Variants in ADAM23 observed in about 807,000 individuals in gnomAD.
ADAM23 encodes disintegrin and metalloproteinase domain-containing protein 23.
In ADAM23, 33 loss-of-function variants were observed where a neutral mutation model predicts 120.1. That is an observed-to-expected ratio of 0.27 (90% CI 0.21 to 0.37). The LOEUF (loss-of-function observed/expected upper bound fraction) is 0.37, where lower values mean the gene tolerates loss of function less well. Ranked by LOEUF, ADAM23 falls within the 10% of genes least tolerant of loss-of-function variation. The pLI, the probability that ADAM23 is intolerant of heterozygous loss-of-function variation, is 1.00. For synonymous variants in ADAM23, 367 were observed against 375.2 expected (o/e 0.98, Z 0.25); for missense variants, 862 against 1,058.2 (o/e 0.81, Z 2.57).
At chr2:206,551,213 TG>T (rs776291535) in intron 9 of ADAM23, among the ~76,000 whole-genome samples, 5 of 152,252 alleles carry the variant, frequency 3.3e-5, no homozygotes, top group Admixed American at 3.3e-4. Context: ...TGCTGATATC[TG>T]TGGTGTAAAT....
rs546659898 is a variant in ADAM23, at chr2:206,620,849, G to A, written c.*3222G>A. 1.6e-4 allele frequency: 24 copies of A among 152,194 alleles called. No homozygotes were observed. Among genetic ancestry groups the A allele is most frequent in the African/African-American group, 5.5e-4 (23 of 41,526 alleles). The allele number at this position is 152,194 out of a possible 1,614,324, so 9.4% of individuals were successfully genotyped here. On this transcript the variant is annotated 3_prime_UTR_variant, in exon 26 of 26. Coordinates refer to ENST00000264377, the MANE Select transcript of ADAM23 (RefSeq NM_003812.4). ...TTTTTGTTTTTTACTATGCAAAGAT[G>A]GGAAATGCACAAACTTTTCAAAGAC...
chr2:206,579,148 A>G (rs533598768), intron 18 of ADAM23, among the ~76,000 whole-genome samples: 19 of 152,162 alleles, frequency 1.2e-4, no homozygotes, highest in African/African-American at 4.6e-4. Flanking sequence ...TGTTAGATGC[A>G]TAGATTATGA....
At chr2:206,547,367 CTG>C (rs1553559433) in intron 6 of ADAM23, 60 bp from the exon 7 acceptor site, 2 of 1,386,260 alleles carry the variant, frequency 1.4e-6, no homozygotes, top group Admixed American at 2.0e-5. Context: ...AGTTCCAACA[CTG>C]TTTCATAGAG....
At chr2:206,571,863 C>T (rs746318655) in intron 17 of ADAM23, 47 bp downstream of exon 17, 3 of 1,514,444 alleles carry the variant, frequency 2.0e-6, no homozygotes, top group Non-Finnish European at 2.8e-6. Flanking sequence ...ACAGATTAGC[C>T]AGATATCTCA....
intron 3 of ADAM23, among the ~76,000 whole-genome samples, chr2:206,493,366 G>A (rs1178042580): frequency 6.6e-6 from 1 of 151,950 alleles, no homozygotes; most frequent in East Asian, 1.9e-4. Context: ...AATCTATACT[G>A]GCTTTTTATT....
At chr2:206,486,089 A>G (rs1458431364) in intron 3 of ADAM23, among the ~76,000 whole-genome samples, 1 of 152,220 alleles carries the variant, frequency 6.6e-6, no homozygotes, top group African/African-American at 2.4e-5. Flanking sequence ...CAGGCGATGA[A>G]GGACTGTGGT....
intron 21 of ADAM23, 105 bp from the exon 22 acceptor site, chr2:206,592,512 A>G (rs1698443684): frequency 2.2e-6 from 3 of 1,370,692 alleles, no homozygotes; most frequent in Middle Eastern, 1.9e-4. Flanking sequence ...GTTTAGAAAG[A>G]AAGATAATAT....
intron 18 of ADAM23, among the ~76,000 whole-genome samples, chr2:206,581,884 T>C (rs1047749806): frequency 1.3e-5 from 2 of 152,020 alleles, no homozygotes; most frequent in Non-Finnish European, 2.9e-5. Context: ...TTCCTTCCTT[T>C]CTTTTTTTTT....
At chr2:206,589,580 G>T in intron 21 of ADAM23, 66 bp downstream of exon 21, 3 of 1,321,032 alleles carry the variant, frequency 2.3e-6, no homozygotes, top group South Asian at 2.9e-5. Flanking sequence ...AGTGCAAAAT[G>T]AGCACAAAAT....
chr2:206,576,742 C>T (rs1312271521), intron 18 of ADAM23, among the ~76,000 whole-genome samples: 1 of 152,070 alleles, frequency 6.6e-6, no homozygotes, highest in Non-Finnish European at 1.5e-5. Flanking sequence ...TTAGCATTTA[C>T]TGATGCCTCA....
intron 3 of ADAM23, among the ~76,000 whole-genome samples, chr2:206,494,870 A>G (rs1387850244): frequency 1.3e-5 from 2 of 152,158 alleles, no homozygotes; most frequent in Non-Finnish European, 1.5e-5. Context: ...TCAGTAACCA[A>G]TGCTATCAAC....
chr2:206,473,572 AAAT>A (rs137861771), intron 2 of ADAM23, among the ~76,000 whole-genome samples: 1,535 of 147,160 alleles, frequency 0.01, 20 homozygotes, highest in African/African-American at 0.026. Context: ...CCCATCTCTA[AAAT>A]AATAATAATA....
chr2:206,444,307 G>C (rs1285806105), intron 1 of ADAM23, among the ~76,000 whole-genome samples: 1 of 152,134 alleles, frequency 6.6e-6, no homozygotes, highest in Non-Finnish European at 1.5e-5. Flanking sequence ...ATTCTTGTTG[G>C]TTCCACTGGG....
rs150605690 is a variant in ADAM23, at chr2:206,548,372, C to T, written c.867+18C>T. 6.1e-4 allele frequency: 972 copies of T among 1,603,422 alleles called. 5 individuals are homozygous for T. In the African/African-American group the frequency reaches 0.01, roughly 17 times the overall value. On this transcript the variant is annotated intron_variant, in intron 8 of 25. Transcript: ENST00000264377. Reference sequence around the variant, plus strand: ...CAGTGAATGTGAGTGTGGCATTGAGCCTTGGGTGGGCCTATTTTACTCAAT... The same window carrying T: ...CAGTGAATGTGAGTGTGGCATTGAGTCTTGGGTGGGCCTATTTTACTCAAT...
chr2:206,517,136 A>G (rs762775722), intron 3 of ADAM23, among the ~76,000 whole-genome samples: 33 of 152,232 alleles, frequency 2.2e-4, no homozygotes, highest in Admixed American at 7.9e-4. Flanking sequence ...TATACTAAAG[A>G]GGACTGTTCC....
chr2:206,514,937 G>C (rs1019138949), intron 3 of ADAM23, among the ~76,000 whole-genome samples: 2 of 152,166 alleles, frequency 1.3e-5, no homozygotes, highest in Non-Finnish European at 2.9e-5. Context: ...ATAGACTAGA[G>C]TACAGTATAG....
intron 10 of ADAM23, 117 bp downstream of exon 10, chr2:206,557,615 T>C: frequency 4.2e-6 from 4 of 941,320 alleles, no homozygotes; most frequent in South Asian, 4.1e-5. Flanking sequence ...CTGAAGCTCA[T>C]CTGGCTAAGG....
At chr2:206,563,938 GC>G (rs1382604335) in intron 13 of ADAM23, among the ~76,000 whole-genome samples, 24 of 151,902 alleles carry the variant, frequency 1.6e-4, no homozygotes, top group Non-Finnish European at 2.5e-4. Flanking sequence ...CACTGTGTTA[GC>G]CAGTATGGTC....
intron 3 of ADAM23, among the ~76,000 whole-genome samples, chr2:206,499,298 A>G (rs1234868441): frequency 6.6e-6 from 1 of 151,684 alleles, no homozygotes; most frequent in East Asian, 1.9e-4. Flanking sequence ...CGTATACACC[A>G]TATACTATGC....
Sources: allele counts gnomAD v4.1 joint callset (sites outside exome capture counted in the v4.1 genomes callset), GRCh38; gene constraint gnomAD v4.1.1; transcripts MANE v1.5; gene names NCBI Gene and HGNC (gene_info 2026-07-23, HGNC 2026-07-21).